The following INAVA variants were observed in gnomAD, a reference collection of about 807,000 sequenced individuals.
INAVA encodes innate immunity activator.
Under a neutral mutation model 55.3 loss-of-function variants are expected in INAVA, and 32 were observed. The observed-to-expected ratio is 0.58, with a 90% CI of 0.44 to 0.78. INAVA has a LOEUF of 0.78. Ranked by LOEUF, INAVA falls within the 30% of genes least tolerant of loss-of-function variation. The pLI is 0.00. For synonymous variants in INAVA, 294 were observed against 329.4 expected (o/e 0.89, Z 1.16); for missense variants, 756 against 786.4 (o/e 0.96, Z 0.46).
chr1:200,899,912 G>T (rs992139682), intron 3 of INAVA, among the ~76,000 whole-genome samples, 192 bp from the exon 4 acceptor site: 16 of 152,178 alleles, frequency 1.1e-4, no homozygotes, highest in Non-Finnish European at 1.8e-4. Flanking sequence ...ATCAGAAAGA[G>T]GTCTGAAGGG....
intron 5 of INAVA, 75 bp downstream of exon 5, chr1:200,901,234 C>G: frequency 7.4e-7 from 1 of 1,354,188 alleles, no homozygotes; most frequent in Admixed American, 2.8e-5. Context: ...CAGCCCCGTG[C>G]CACTGCCTTT....
chr1:200,910,770 G>T (rs958529461), intron 8 of INAVA, among the ~76,000 whole-genome samples: 1 of 152,314 alleles, frequency 6.6e-6, no homozygotes, highest in East Asian at 1.9e-4. Context: ...TACATGCTAC[G>T]AGGGCCATTT....
intron 5 of INAVA, among the ~76,000 whole-genome samples, chr1:200,903,924 A>G (rs549068111): frequency 6.6e-6 from 1 of 152,118 alleles, no homozygotes; most frequent in African/African-American, 2.4e-5. Flanking sequence ...CTGCTAGGTG[A>G]GAGTCATCAG....
chr1:200,891,672 G>A, upstream of INAVA: 1 of 1,486,734 alleles, frequency 6.7e-7, no homozygotes, highest in Non-Finnish European at 8.9e-7. Context: ...CGCAGGGGCA[G>A]GCGGGCGGCG....
intron 5 of INAVA, among the ~76,000 whole-genome samples, chr1:200,907,438 T>C (rs1458219029): frequency 6.6e-6 from 1 of 152,096 alleles, no homozygotes; most frequent in Non-Finnish European, 1.5e-5. Flanking sequence ...GGATGATCAC[T>C]TGAGCCTAGG....
Position 200,898,446 on chromosome 1 carries a change from C to T in INAVA, c.46C>T (p.Leu16=). The T allele has an allele frequency of 6.2e-7, 1 of 1,613,986 alleles. No individual in the cohort carries two copies. Among genetic ancestry groups the T allele is most frequent in the Non-Finnish European group, 8.5e-7 (1 of 1,179,952 alleles). Residue 16 remains leucine (L), a synonymous_variant, in exon 2 of 10, where the codon CTG becomes TTG. Coordinates refer to ENST00000413687, the MANE Select transcript of INAVA (RefSeq NM_001142569.3). ...EVSDTDSGII[L]QSGPDSPVSP... ...CAGCGACACCGACAGTGGCATCATC[C>T]TGCAGTCTGGTGAGTGTTCAGGGAA...
intron 1 of INAVA, among the ~76,000 whole-genome samples, chr1:200,895,808 T>A (rs555922815): frequency 7.2e-5 from 11 of 152,076 alleles, no homozygotes; most frequent in Non-Finnish European, 1.0e-4. Flanking sequence ...GTGCAGTCTT[T>A]ATTGTGCACA....
chr1:200,894,678 G>C, upstream of INAVA: 3 of 522,932 alleles, frequency 5.7e-6, no homozygotes, highest in Non-Finnish European at 7.4e-6. Context: ...GTTGTACTAG[G>C]GTCTCTTGAG....
At chr1:200,900,640 C>T (rs1203315702) in intron 4 of INAVA, among the ~76,000 whole-genome samples, 2 of 152,210 alleles carry the variant, frequency 1.3e-5, no homozygotes, top group Non-Finnish European at 2.9e-5. Flanking sequence ...CAGCCTGCCC[C>T]ACCCTTTGGG....
chr1:200,900,680 C>T (rs946816573), intron 4 of INAVA, among the ~76,000 whole-genome samples: 3 of 152,236 alleles, frequency 2.0e-5, no homozygotes, highest in Non-Finnish European at 2.9e-5. Flanking sequence ...CACTTGGGTT[C>T]CCACCCTGCC....
chr1:200,899,184 G>C (rs572189550), intron 2 of INAVA, among the ~76,000 whole-genome samples: 7 of 151,782 alleles, frequency 4.6e-5, no homozygotes, highest in East Asian at 1.9e-4. Context: ...GAGGAGGAGT[G>C]GGGGGAGGAC....
upstream of INAVA, among the ~76,000 whole-genome samples, chr1:200,894,175 T>G (rs1668292346): frequency 6.6e-6 from 1 of 152,102 alleles, no homozygotes; most frequent in Non-Finnish European, 1.5e-5. Flanking sequence ...GGAGTGGACT[T>G]AGGGTCTGGG....
chr1:200,899,403 G>T (rs1242309994), intron 2 of INAVA, 70 bp from the exon 3 acceptor site: 5 of 1,600,652 alleles, frequency 3.1e-6, no homozygotes, highest in East Asian at 2.2e-5. Flanking sequence ...TCCCCTAGGG[G>T]TGGTCAATAA....
intron 1 of INAVA, 149 bp from the exon 2 acceptor site, chr1:200,898,158 A>AC (rs1653028767): frequency 1.3e-5 from 10 of 791,604 alleles, no homozygotes; most frequent in Non-Finnish European, 1.4e-5. Context: ...CTAGGTCAGC[A>AC]CCCCCAGTGC....
At position 200,908,759 on chromosome 1, in the gene INAVA, G is replaced by C; in HGVS notation, c.604G>C (p.Glu202Gln). ...EESQVPKPPP[E>Q]SPAPPSRPLP... is the part of the protein sequence containing the mutation. ...ATCCCAAGTGCCAAAACCTCCTCCA[G>C]AGTCTCCAGCCCCACCTTCTCGGCC... Residue 202 changes from glutamate (E) to glutamine (Q), a missense_variant, in exon 7 of 10, where the codon GAG (glutamate) becomes CAG (glutamine). Around this residue, in one of 2 missense-constraint regions of INAVA, gnomAD observed 639 missense variants for 624.3 expected, o/e 1.02. Coordinates refer to ENST00000413687, the MANE Select transcript of INAVA (RefSeq NM_001142569.3). 2 of 1,598,086 alleles carry C rather than the reference G, an allele frequency of 1.3e-6. No homozygotes were observed. The highest frequency in any genetic ancestry group is 1.7e-6 in the Non-Finnish European group (2 of 1,172,604).
chr1:200,900,366 C>A, intron 4 of INAVA, 146 bp downstream of exon 4: 2 of 686,506 alleles, frequency 2.9e-6, no homozygotes, highest in Non-Finnish European at 5.0e-6. Flanking sequence ...GTGAGAGACA[C>A]CATGAATATG....
In INAVA at chr1:200,911,918, C is replaced by G. The variant is rs749313741; in HGVS notation, c.1425C>G (p.Pro475=). The G allele has an allele frequency of 7.6e-6, 12 of 1,575,828 alleles. No individual in the cohort carries two copies. In the South Asian group the frequency reaches 1.3e-4, roughly 16 times the overall value. Reference sequence around the variant, plus strand: ...CCCTGCGCTACCAGCGTCTGGTGCCCTCCCGCAGCCGCATCGTGCGGACGC... The same window carrying G: ...CCCTGCGCTACCAGCGTCTGGTGCCGTCCCGCAGCCGCATCGTGCGGACGC... ...GTPLRYQRLV[P]SRSRIVRTPS... The change falls in exon 9 of 10, where the codon CCC becomes CCG. Residue 475 remains proline (P), a synonymous_variant. Transcript: ENST00000413687.
intron 4 of INAVA, among the ~76,000 whole-genome samples, 179 bp from the exon 5 acceptor site, chr1:200,900,758 G>A (rs1023929025): frequency 1.3e-5 from 2 of 152,152 alleles, no homozygotes; most frequent in Non-Finnish European, 2.9e-5. Flanking sequence ...TTTGCTTTTC[G>A]GCTCCTCCCA....
intron 9 of INAVA, among the ~76,000 whole-genome samples, chr1:200,912,985 T>G (rs1238009981): frequency 6.6e-6 from 1 of 152,076 alleles, no homozygotes; most frequent in African/African-American, 2.4e-5. Context: ...CAGGAATCCT[T>G]TCTTTATTCT....
Sources: allele counts gnomAD v4.1 joint callset (sites outside exome capture counted in the v4.1 genomes callset), GRCh38; gene constraint gnomAD v4.1.1; regional missense constraint gnomAD v4.1.1; transcripts MANE v1.5; gene names NCBI Gene and HGNC (gene_info 2026-07-23, HGNC 2026-07-21).